The following AXDND1 variants were observed in gnomAD, a reference collection of about 807,000 sequenced individuals.
AXDND1 encodes the protein axonemal dynein light chain domain-containing protein 1.
Under a neutral mutation model 137.5 loss-of-function variants are expected in AXDND1, and 110 were observed. The observed-to-expected ratio is 0.80, with a 90% confidence interval of 0.69 to 0.94. The LOEUF (loss-of-function observed/expected upper bound fraction) is 0.94, where lower values mean the gene tolerates loss of function less well. AXDND1 is among the 40% of genes least tolerant of loss of function. The pLI is 0.00. For synonymous variants in AXDND1, 414 were observed against 399.7 expected (o/e 1.04, Z -0.43); for missense variants, 1,191 against 1,169.8 (o/e 1.02, Z -0.26).
At chr1:179,512,175 C>A (rs571493985) in intron 21 of AXDND1, among the ~76,000 whole-genome samples, 88 of 152,196 alleles carry the variant, frequency 5.8e-4, no homozygotes, top group African/African-American at 2.1e-3. Context: ...AATGTTATGT[C>A]TAGAATTTTT....
chr1:179,398,780 C>T (rs931594230), intron 11 of AXDND1, among the ~76,000 whole-genome samples: 1 of 150,594 alleles, frequency 6.6e-6, no homozygotes, highest in Admixed American at 6.6e-5. Context: ...AGTGTTGCCA[C>T]TAAGGGCAGG....
rs1259151651 is a variant in AXDND1 at position 179,488,718 on chromosome 1, CTCTT to C, written c.2092-2812_2092-2809del. On this transcript the variant is annotated intron_variant, in intron 18 of 25. Coordinates refer to ENST00000367618, the MANE Select transcript of AXDND1 (RefSeq NM_144696.6). ...TTCTTTCCTCTCTCTGTCTCTCTCT[CTCTT>C]TCTTTCTCTCTCTCTCTTTCTTTTT... Among the ~76,000 whole-genome samples the C allele has an allele frequency of 9.7e-3, 799 of 82,750 alleles. 81 individuals carry two copies. The highest frequency in any genetic ancestry group is 0.034 in the African/African-American group (761 of 22,430). The allele number at this position is 82,750 out of a possible 152,430, so 54.3% of individuals were successfully genotyped here. A position where few individuals can be genotyped will look rare whatever the true frequency, so the allele number is the denominator to read the frequency against.
At chr1:179,536,644 G>C (rs993164602) in intron 25 of AXDND1, among the ~76,000 whole-genome samples, 10 of 152,062 alleles carry the variant, frequency 6.6e-5, no homozygotes, top group African/African-American at 2.4e-4. Flanking sequence ...GTCAGGTAGC[G>C]TGATGCCTCC....
chr1:179,425,156 G>C (rs1656366450), intron 12 of AXDND1, among the ~76,000 whole-genome samples: 1 of 152,224 alleles, frequency 6.6e-6, no homozygotes, highest in Non-Finnish European at 1.5e-5. Flanking sequence ...TCTCTGTCTG[G>C]CTTGTTTTAT....
At chr1:179,455,699 A>G (rs769468002) in intron 16 of AXDND1, 8 of 154,338 alleles carry the variant, frequency 5.2e-5, no homozygotes, top group African/African-American at 1.4e-4. Context: ...GGGGAAATAT[A>G]CAATGGGAAT....
chr1:179,368,973 G>A lies in AXDND1; in HGVS notation c.270+1G>A. On this transcript the variant is annotated splice_donor_variant, in intron 3 of 25. Transcript: ENST00000367618. LOFTEE classifies it high-confidence loss of function. Reference sequence around the variant, plus strand: ...TCCTAAGAAAATTAAAACCCCAAAGGTTTGTATGTACATATGTAGAGTAAT... The same window carrying A: ...TCCTAAGAAAATTAAAACCCCAAAGATTTGTATGTACATATGTAGAGTAAT... 22 of 1,606,718 alleles carry A rather than the reference G, an allele frequency of 1.4e-5. No homozygotes were observed. Among genetic ancestry groups the A allele is most frequent in the Non-Finnish European group, 1.9e-5 (22 of 1,174,962 alleles).
intron 13 of AXDND1, 66 bp downstream of exon 13, chr1:179,429,685 G>A: frequency 1.2e-6 from 1 of 845,262 alleles, no homozygotes; most frequent in East Asian, 2.9e-5. Flanking sequence ...GAGACTGTAA[G>A]ATGCCTTTGT....
Position 179,377,658 on chromosome 1 carries a change from A to G in AXDND1, c.375-979A>G, listed in dbSNP as rs754583328. The stretch of plus-strand genomic sequence containing the variant: ...TTTAAAGACTCACAGAAAAGTTGCA[A>G]ATGTGATCAACCCTGGAAAACATTC... On this transcript the variant is annotated intron_variant, in intron 4 of 25. Transcript: ENST00000367618. Among the ~76,000 whole-genome samples the G allele has an allele frequency of 8.5e-5, 13 of 152,166 alleles. No individual in the cohort carries two copies. The East Asian group carries it at 2.1e-3, about 25-fold the overall frequency.
At chr1:179,402,328 G>A (rs1289111943) in intron 11 of AXDND1, among the ~76,000 whole-genome samples, 2 of 151,994 alleles carry the variant, frequency 1.3e-5, no homozygotes, top group African/African-American at 4.8e-5. Context: ...TCTATACTTA[G>A]TCTTCTATCC....
chr1:179,494,368 A>G (rs148258229), intron 20 of AXDND1, among the ~76,000 whole-genome samples: 1,840 of 152,158 alleles, frequency 0.012, 17 homozygotes, highest in Non-Finnish European at 0.018. Context: ...TCATGTGTGT[A>G]TTTGTAATCC....
chr1:179,529,811 T>G (rs1356299669), intron 23 of AXDND1, among the ~76,000 whole-genome samples: 4 of 152,334 alleles, frequency 2.6e-5, no homozygotes, highest in African/African-American at 4.8e-5. Flanking sequence ...AGGCCACTTT[T>G]GTTTCCTGGC....
At chr1:179,415,536 A>C (rs1341690918) in intron 12 of AXDND1, among the ~76,000 whole-genome samples, 2 of 152,212 alleles carry the variant, frequency 1.3e-5, no homozygotes, top group East Asian at 3.8e-4. Flanking sequence ...GTGTACAATT[A>C]TATGTTTTTT....
chr1:179,553,846 A>G (rs1673670744), intron 25 of AXDND1, among the ~76,000 whole-genome samples: 1 of 151,926 alleles, frequency 6.6e-6, no homozygotes, highest in South Asian at 2.1e-4. Flanking sequence ...CCCGGGTTCA[A>G]GTGATTCTCC....
At chr1:179,404,515 C>G (rs1652628872) in intron 11 of AXDND1, among the ~76,000 whole-genome samples, 1 of 152,156 alleles carries the variant, frequency 6.6e-6, no homozygotes, top group Non-Finnish European at 1.5e-5. Flanking sequence ...AGCCACCACA[C>G]CTGGCTGAGC....
chr1:179,474,728 A>T (rs1166651158), intron 17 of AXDND1, among the ~76,000 whole-genome samples: 1 of 152,208 alleles, frequency 6.6e-6, no homozygotes, highest in Non-Finnish European at 1.5e-5. Context: ...ACCATGAGGT[A>T]GAAAAGAAAA....
chr1:179,525,431 A>G lies in AXDND1; in HGVS notation c.2594A>G (p.Lys865Arg). Residue 865 changes from lysine to arginine, a missense_variant, in exon 22 of 26, where the codon AAA becomes AGA. Lys to Arg is a conservative substitution (Grantham distance 26). Coordinates refer to ENST00000367618, the MANE Select transcript of AXDND1 (RefSeq NM_144696.6). ...GATAGGAAACTTCAGGAGGAAAATA[A>G]AGAGAGAGCAGAAGAAGTAAGATTA... ...KEDRKLQEEN[K>R]ERAEEQPSTS... 1.2e-6 allele frequency: 2 copies of G among 1,610,072 alleles called. No individual in the cohort carries two copies. The highest frequency in any genetic ancestry group is 8.5e-7 in the Non-Finnish European group (1 of 1,177,690).
At chr1:179,459,391 C>T (rs1005655017) in intron 16 of AXDND1, among the ~76,000 whole-genome samples, 1 of 151,982 alleles carries the variant, frequency 6.6e-6, no homozygotes, top group Non-Finnish European at 1.5e-5. Context: ...AAAATTAATA[C>T]ATAGGATAAG....
chr1:179,549,247 G>GCCAA (rs1672957044), intron 25 of AXDND1, among the ~76,000 whole-genome samples: 1 of 152,150 alleles, frequency 6.6e-6, no homozygotes, highest in Non-Finnish European at 1.5e-5. Context: ...CACCTAGCCA[G>GCCAA]TTTCTGAAGA....
intron 15 of AXDND1, among the ~76,000 whole-genome samples, chr1:179,442,671 C>T (rs79379643): frequency 0.018 from 2,681 of 152,260 alleles, 65 homozygotes; most frequent in African/African-American, 0.059. Flanking sequence ...GCACTGCTCT[C>T]GGTACCTCTT....
Sources: allele counts gnomAD v4.1 joint callset (sites outside exome capture counted in the v4.1 genomes callset), GRCh38; gene constraint gnomAD v4.1.1; transcripts MANE v1.5; gene names NCBI Gene and HGNC (gene_info 2026-07-23, HGNC 2026-07-21).